The following DZIP3 variants were observed in gnomAD, a reference collection of about 807,000 sequenced individuals.
DZIP3 encodes DAZ interacting zinc finger protein 3.
In DZIP3, 118 loss-of-function variants were observed where a neutral mutation model predicts 162.0. The ratio of observed to expected loss-of-function variants is 0.73; its 90% CI spans 0.63 to 0.85. The LOEUF (loss-of-function observed/expected upper bound fraction) is 0.85. Among genes scored for constraint, DZIP3 ranks in the 40% least tolerant of loss-of-function variants. DZIP3 has a pLI of 0.00. For missense variants in DZIP3, 1,331 were observed against 1,407.0 expected, an observed-to-expected ratio of 0.95 and a Z score of 0.86; for synonymous variants, 438 against 458.6, an observed-to-expected ratio of 0.96 and a Z score of 0.57.
At chr3:108,646,692 A>G (rs1942636192) in intron 15 of DZIP3, 43 bp downstream of exon 15, 1 of 1,328,010 alleles carries the variant, frequency 7.5e-7, no homozygotes, top group Non-Finnish European at 1.0e-6. Context: ...ACTTTTTAAC[A>G]AGGGATACCT....
Position 108,608,139 on chromosome 3 carries a change from A to G in DZIP3, c.83A>G (p.Glu28Gly). 2 of 1,613,030 alleles carry G rather than the reference A, an allele frequency of 1.2e-6. No individual in the cohort carries two copies. The highest frequency in any genetic ancestry group is 8.5e-7 in the Non-Finnish European group (1 of 1,179,292). The change falls in exon 3 of 33, where the codon GAA becomes GGA. Residue 28 changes from glutamate to glycine, a missense_variant. Coordinates refer to ENST00000361582, the MANE Select transcript of DZIP3 (RefSeq NM_014648.4). ...QRKEETENKLEKSSGQLNKQE... is the reference protein window; with the variant it reads ...QRKEETENKLGKSSGQLNKQE... ...AAGGAAGAAACTGAGAATAAGCTAG[A>G]AAAATCATCTGGTCAACTGGTAAGA...
intron 3 of DZIP3, 104 bp from the exon 4 acceptor site, chr3:108,611,070 G>A (rs1428871241): frequency 2.6e-6 from 3 of 1,134,396 alleles, no homozygotes; most frequent in Admixed American, 5.6e-5. Flanking sequence ...GAGAACAAGG[G>A]AAAATGAGCT....
At chr3:108,604,975 A>G (rs1940252460) in intron 1 of DZIP3, among the ~76,000 whole-genome samples, 1 of 152,224 alleles carries the variant, frequency 6.6e-6, no homozygotes, top group Non-Finnish European at 1.5e-5. Context: ...TAAATGACCA[A>G]CTATAAGGAA....
At chr3:108,619,575 A>G (rs2107542662) in intron 5 of DZIP3, among the ~76,000 whole-genome samples, 1 of 152,214 alleles carries the variant, frequency 6.6e-6, no homozygotes, top group African/African-American at 2.4e-5. Context: ...GAGATGTCCA[A>G]GCTCCAGCAA....
rs541643978 is a variant in DZIP3 at position 108,618,706 on chromosome 3, A to G, written c.375+2049A>G. 2.6e-4 allele frequency among the ~76,000 whole-genome samples: 39 copies of G among 152,296 alleles called. 1 individual carries two copies. In the East Asian group the frequency reaches 4.2e-3, roughly 17 times the overall value. ...TATAATCCCAGTCAGTTATCTCCTCAATGAATACTGTTGGTCATTAGAAGC... is the reference window on the plus strand; with the variant it reads ...TATAATCCCAGTCAGTTATCTCCTCGATGAATACTGTTGGTCATTAGAAGC... On this transcript the variant is annotated intron_variant, in intron 5 of 32. Transcript: ENST00000361582.
chr3:108,642,467 C>T lies in DZIP3; in HGVS notation c.1094C>T (p.Thr365Ile). The change falls in exon 13 of 33, where the codon ACT becomes ATT. Residue 365 changes from threonine (T) to isoleucine (I), a missense_variant. Around this residue, in one of 2 missense-constraint regions of DZIP3, gnomAD observed 1,278 missense variants for 1,317.1 expected, o/e 0.97. Transcript: ENST00000361582. ...AGAAAGTTGATATCTCTGAAAATAA[C>T]TGATACTGATATAAGACCGAAGATC... is the stretch of plus-strand genomic sequence containing the variant. ...SYRKLISLKI[T>I]DTDIRPKISL... The T allele has an allele frequency of 6.7e-7, 1 of 1,485,630 alleles. No homozygotes were observed. The highest frequency in any genetic ancestry group is 1.2e-5 in the South Asian group (1 of 81,170). 92.0% of individuals were successfully genotyped at this position (1,485,630 alleles called of 1,614,324 possible). A position where few individuals can be genotyped will look rare whatever the true frequency, so the allele number is the denominator to read the frequency against.
In DZIP3 at chr3:108,627,737, C is replaced by T. The variant is rs187993967; in HGVS notation, c.582-1325C>T. Among the ~76,000 whole-genome samples, 3 of 152,286 alleles carry T rather than the reference C, an allele frequency of 2.0e-5. No homozygotes were observed. The East Asian group carries it at 5.8e-4, about 29-fold the overall frequency. On this transcript the variant is annotated intron_variant, in intron 7 of 32. Transcript: ENST00000361582. ...GTTCAGCACTTTAAAGATCCACTCC[C>T]ACTCATGTTCCTGCCAGTACATTCT...
rs936471913 is a variant in DZIP3 at position 108,601,018 on chromosome 3, A to G, written c.-72-4317A>G. 3.9e-5 allele frequency among the ~76,000 whole-genome samples: 6 copies of G among 152,108 alleles called. No individual in the cohort carries two copies. In the East Asian group the frequency reaches 7.7e-4, roughly 20 times the overall value. On this transcript the variant is annotated intron_variant, in intron 1 of 32. Coordinates refer to ENST00000361582, the MANE Select transcript of DZIP3 (RefSeq NM_014648.4). ...ACATTAATGGATATCTGCATACTTTATGTCATTTTGCTTTCTTGTAGACGT... is the reference window on the plus strand; with the variant it reads ...ACATTAATGGATATCTGCATACTTTGTGTCATTTTGCTTTCTTGTAGACGT...
rs1267106817 is a variant in DZIP3, at chr3:108,629,877, A to G, written c.696+701A>G. On this transcript the variant is annotated intron_variant, in intron 8 of 32. Coordinates refer to ENST00000361582, the MANE Select transcript of DZIP3 (RefSeq NM_014648.4). ...GACTATTATACAATGCGATTTTGGC[A>G]TAATAATGTATTATATAGCTTTGTT... Among the ~76,000 whole-genome samples, 5 of 151,942 alleles carry G rather than the reference A, an allele frequency of 3.3e-5. No homozygotes were observed. In the East Asian group the frequency reaches 9.6e-4, roughly 29 times the overall value.
At chr3:108,628,730 C>T (rs1941696403) in intron 7 of DZIP3, among the ~76,000 whole-genome samples, 1 of 152,210 alleles carries the variant, frequency 6.6e-6, no homozygotes, top group Non-Finnish European at 1.5e-5. Context: ...ACAGTGTATC[C>T]TGAGTTAATA....
rs188217783 is a variant in DZIP3 at position 108,613,848 on chromosome 3, G to A, written c.258+2519G>A. ...AATAAAAGAGATAATCTAGAAAACC[G>A]TATGTTCATAAGGTAAGATATATAC... On this transcript the variant is annotated intron_variant, in intron 4 of 32. Transcript: ENST00000361582. Among the ~76,000 whole-genome samples, 9 of 152,202 alleles carry A rather than the reference G, an allele frequency of 5.9e-5. No individual in the cohort carries two copies. In the South Asian group the frequency reaches 8.3e-4, roughly 14 times the overall value.
At chr3:108,606,298 A>G (rs1386875231) in intron 2 of DZIP3, among the ~76,000 whole-genome samples, 1 of 152,176 alleles carries the variant, frequency 6.6e-6, no homozygotes, top group Non-Finnish European at 1.5e-5. Flanking sequence ...CTCATATAAT[A>G]CTAAACAGGG....
At chr3:108,659,342 G>T (rs144915980) in intron 19 of DZIP3, among the ~76,000 whole-genome samples, 2 of 151,958 alleles carry the variant, frequency 1.3e-5, no homozygotes, top group South Asian at 4.1e-4. Context: ...TTCAACATAC[G>T]CAAATCAATA....
Position 108,636,690 on chromosome 3 carries a change from T to C in DZIP3, c.993T>C (p.Pro331=). ...DMVRMLQCDV[P]GIVKILFEVV... is the part of the protein sequence containing the mutation. ...TAAGGATGCTGCAATGTGATGTACCTGGAATTGTTAAAATTTTGGTGAGTA... is the reference window on the plus strand; with the variant it reads ...TAAGGATGCTGCAATGTGATGTACCCGGAATTGTTAAAATTTTGGTGAGTA... Residue 331 remains proline (P), a synonymous_variant, in exon 11 of 33, where the codon CCT becomes CCC. Transcript: ENST00000361582. 6.3e-7 allele frequency: 1 copy of C among 1,579,178 alleles called. No homozygotes were observed. The highest frequency in any genetic ancestry group is 2.3e-5 in the East Asian group (1 of 43,148).
chr3:108,648,146 A>G (rs971901146), intron 16 of DZIP3, 34 bp downstream of exon 16: 4 of 1,550,840 alleles, frequency 2.6e-6, no homozygotes, highest in South Asian at 1.3e-5. Context: ...AGTTAGAAGA[A>G]CTTATTCTGG....
At chr3:108,597,893 C>A (rs1157884075) in intron 1 of DZIP3, among the ~76,000 whole-genome samples, 3 of 151,976 alleles carry the variant, frequency 2.0e-5, no homozygotes, top group Non-Finnish European at 4.4e-5. Context: ...GCTATGTGAT[C>A]AAAAAAGTTT....
At chr3:108,622,804 G>GTTCTCTTC (rs1436070501) in intron 5 of DZIP3, among the ~76,000 whole-genome samples, 2 of 141,126 alleles carry the variant, frequency 1.4e-5, no homozygotes, top group Non-Finnish European at 3.0e-5. Context: ...AGAGACTCTT[G>GTTCTCTTC]TTCTCTTCTT....
intron 9 of DZIP3, among the ~76,000 whole-genome samples, chr3:108,633,820 A>G (rs1355478737): frequency 9.5e-6 from 1 of 105,798 alleles, no homozygotes; most frequent in Non-Finnish European, 1.9e-5. Context: ...TGGATCTATC[A>G]GAGTACTTCT....
rs1943956615 is a variant in DZIP3, at chr3:108,672,442, AC to A, written c.2493-117del. On this transcript the variant is annotated intron_variant, in intron 22 of 32. Transcript: ENST00000361582. ...CTTCTCTTGTTTCTATGTGCTCTATACTTTTCCAAGAAATAATTTCCTACTG... is the reference window on the plus strand; with the variant it reads ...CTTCTCTTGTTTCTATGTGCTCTATATTTTCCAAGAAATAATTTCCTACTG... 3.9e-5 allele frequency: 32 copies of A among 817,120 alleles called. No homozygotes were observed. In the South Asian group the frequency reaches 4.0e-4, roughly 10 times the overall value. 50.6% of individuals were successfully genotyped at this position (817,120 alleles called of 1,614,324 possible).
Sources: gnomAD v4.1 joint callset for allele counts (sites outside exome capture counted in the v4.1 genomes callset) on GRCh38, gnomAD v4.1.1 for gene constraint, gnomAD v4.1.1 regional missense constraint, MANE v1.5 for transcripts, NCBI Gene and HGNC (gene_info 2026-07-23, HGNC 2026-07-21) for gene names.